SLC23A1: variants seen among roughly 807,000 people sequenced by gnomAD.
SLC23A1 encodes Na(+)/L-ascorbic acid transporter 1.
SLC23A1 carries 31 observed loss-of-function variants against 62.5 expected under a neutral mutation model. The ratio of observed to expected loss-of-function variants is 0.50; its 90% confidence interval spans 0.37 to 0.67. SLC23A1 has a LOEUF of 0.67. Among genes scored for constraint, SLC23A1 ranks in the 30% least tolerant of loss-of-function variants. The pLI is 0.00. For missense variants in SLC23A1, 640 were observed against 782.7 expected (o/e 0.82, Z 2.18); for synonymous variants, 271 against 313.2 (o/e 0.87, Z 1.42).
intron 13 of SLC23A1, 57 bp from the exon 14 acceptor site, chr5:139,372,310 T>G (rs1757714446): frequency 6.5e-7 from 1 of 1,544,940 alleles, no homozygotes; most frequent in African/African-American, 1.4e-5. Context: ...CCACCCCCAC[T>G]TCCCATAACC....
rs145776418 is a variant in SLC23A1 at position 139,379,833 on chromosome 5, A to T, written c.770T>A (p.Ile257Asn). ...CCACACGGTCATGATGGCCAGCATG[A>T]TCTGAAGGAGGGGGGTGAGGGGGCA... Reference protein sequence around the residue: ...LRIQIFKMFPIMLAIMTVWLL... With the variant: ...LRIQIFKMFPNMLAIMTVWLL... Residue 257 changes from isoleucine to asparagine, a missense_variant and splice_region_variant, in exon 8 of 15, where the codon ATC becomes AAC. Coordinates refer to ENST00000348729, the MANE Select transcript of SLC23A1 (RefSeq NM_005847.5). This position sits in a 1 kb window ranked among gnomAD's most constrained non-coding sequence, Gnocchi z 4.7. 1.2e-6 allele frequency: 2 copies of T among 1,613,902 alleles called. No homozygotes were observed. Among genetic ancestry groups the T allele is most frequent in the East Asian group, 2.2e-5 (1 of 44,884 alleles).
Position 139,379,937 on chromosome 5 carries a change from C to A in SLC23A1, c.768+19G>T. 1 of 1,614,100 alleles carries A rather than the reference C, an allele frequency of 6.2e-7. No individual in the cohort carries two copies. Among genetic ancestry groups the A allele is most frequent in the Non-Finnish European group, 8.5e-7 (1 of 1,179,988 alleles). ...GCCCTGGCCATAGTCCCAGCCCCAG[C>A]CGCCTGCCAGGTCCTCACAGGAAAC... On this transcript the variant is annotated intron_variant, in intron 7 of 14. Transcript: ENST00000348729. The surrounding 1 kb of genome is among the most constrained non-coding windows in gnomAD (Gnocchi z 4.7).
upstream of SLC23A1, chr5:139,384,534 C>T (rs1323800560): frequency 5.4e-6 from 7 of 1,289,414 alleles, no homozygotes; most frequent in Middle Eastern, 2.1e-4. Context: ...TCCCAATTTC[C>T]AAAGTTGCTG....
chr5:139,368,924 A>T (rs927786468), intron 14 of SLC23A1: 1 of 654,730 alleles, frequency 1.5e-6, no homozygotes. Context: ...AGTTTTTGTT[A>T]GTCTTGCATG....
chr5:139,368,020 GA>G (rs1453468422), intron 14 of SLC23A1, among the ~76,000 whole-genome samples: 2 of 152,176 alleles, frequency 1.3e-5, no homozygotes, highest in African/African-American at 4.8e-5. Context: ...CTAACATGGT[GA>G]AACCCCTTCT....
At position 139,380,069 on chromosome 5, in the gene SLC23A1, G is replaced by C. The variant is rs1293966977; in HGVS notation, c.655C>G (p.Leu219Val). ...TACTGGGAGAAGAGGATGATCAGGA[G>C]AATGGAGCTGGGGGCAGAGGCACAA... Reference protein sequence around the residue: ...SHWGISACSILLIILFSQYLR... With the variant: ...SHWGISACSIVLIILFSQYLR... The change falls in exon 7 of 15, where the codon CTC becomes GTC. Residue 219 changes from leucine to valine, a missense_variant. Physicochemically the swap from Leu to Val is conservative, Grantham distance 32 (BLOSUM62 1). Coordinates refer to ENST00000348729, the MANE Select transcript of SLC23A1 (RefSeq NM_005847.5). 2 of 1,610,552 alleles carry C rather than the reference G, an allele frequency of 1.2e-6. No individual in the cohort carries two copies. Among genetic ancestry groups the C allele is most frequent in the South Asian group, 1.1e-5 (1 of 90,634 alleles).
chr5:139,372,807 A>AC (rs1292811787), intron 13 of SLC23A1, among the ~76,000 whole-genome samples: 1 of 151,396 alleles, frequency 6.6e-6, no homozygotes, highest in Non-Finnish European at 1.5e-5. Flanking sequence ...CTGGTCTTGA[A>AC]CTCCTGACCT....
upstream of SLC23A1, among the ~76,000 whole-genome samples, chr5:139,383,752 G>C (rs902985149): frequency 2.6e-4 from 40 of 152,358 alleles, 1 homozygote; most frequent in African/African-American, 9.6e-4. Flanking sequence ...AGTAACCCCT[G>C]TGCTGGGCGG....
At chr5:139,383,184 G>GC (rs770018595) in intron 1 of SLC23A1, 34 bp downstream of exon 1, 4 of 239,282 alleles carry the variant, frequency 1.7e-5, no homozygotes, top group Non-Finnish European at 2.1e-5. Flanking sequence ...CACCCCCCCT[G>GC]CCCCCCCTAG....
intron 13 of SLC23A1, among the ~76,000 whole-genome samples, chr5:139,373,068 T>G (rs1757764417): frequency 6.6e-6 from 1 of 152,192 alleles, no homozygotes; most frequent in South Asian, 2.1e-4. Flanking sequence ...TATGATTCCA[T>G]ATGTGAAAAA....
At position 139,379,813 on chromosome 5, in the gene SLC23A1, C is replaced by T. The variant is rs33972313; in HGVS notation, c.790G>A (p.Val264Met). Residue 264 changes from valine (V) to methionine (M), a missense_variant, in exon 8 of 15, where the codon GTG (valine) becomes ATG (methionine). Val to Met is a conservative substitution (Grantham distance 21, BLOSUM62 1). Coordinates refer to ENST00000348729, the MANE Select transcript of SLC23A1 (RefSeq NM_005847.5). This position sits in a 1 kb window ranked among gnomAD's most constrained non-coding sequence, Gnocchi z 4.7. ...MFPIMLAIMT[V>M]WLLCYVLTLT... Reference sequence around the variant, plus strand: ...GTCAGGACATAGCAGAGCAGCCACACGGTCATGATGGCCAGCATGATCTGA... The same window carrying T: ...GTCAGGACATAGCAGAGCAGCCACATGGTCATGATGGCCAGCATGATCTGA... The T allele has an allele frequency of 0.032, 50,849 of 1,613,960 alleles. 952 individuals are homozygous for T. The highest frequency in any genetic ancestry group is 0.071 in the African/African-American group (5,306 of 74,940).
In SLC23A1 at chr5:139,382,646, G is replaced by A. The variant is rs990762753; in HGVS notation, c.37-41C>T. The A allele has an allele frequency of 4.0e-6, 5 of 1,250,728 alleles. No homozygotes were observed. The Admixed American group carries it at 5.4e-5, about 13-fold the overall frequency. The allele number at this position is 1,250,728 out of a possible 1,614,324, so 77.5% of individuals were successfully genotyped here. A position where few individuals can be genotyped will look rare whatever the true frequency, so the allele number is the denominator to read the frequency against. On this transcript the variant is annotated intron_variant, in intron 1 of 14. Coordinates refer to ENST00000348729, the MANE Select transcript of SLC23A1 (RefSeq NM_005847.5). Reference sequence around the variant, plus strand: ...ATAAGTAGCTTAGGGTGAAGTGATGGGGACAGGCAAAATCCATTCTGCCCC... The same window carrying A: ...ATAAGTAGCTTAGGGTGAAGTGATGAGGACAGGCAAAATCCATTCTGCCCC...
chr5:139,368,312 C>T (rs2152058928), intron 14 of SLC23A1, among the ~76,000 whole-genome samples: 1 of 151,914 alleles, frequency 6.6e-6, no homozygotes, highest in South Asian at 2.1e-4. Context: ...TGCACTGCAG[C>T]CTGGGTGACA....
intron 14 of SLC23A1, among the ~76,000 whole-genome samples, chr5:139,369,915 T>G (rs530206182): frequency 1.2e-4 from 18 of 152,188 alleles, no homozygotes; most frequent in African/African-American, 2.4e-5. Context: ...CATCCTTGCT[T>G]CTTAATCACC....
At chr5:139,384,780 C>T (rs1758445246), upstream of SLC23A1, 1 of 983,176 alleles carries the variant, frequency 1.0e-6, no homozygotes, top group Non-Finnish European at 1.2e-6. Flanking sequence ...TCTCTAATCA[C>T]CCCACAGAAA....
chr5:139,371,727 A>G (rs1026570203), intron 14 of SLC23A1, among the ~76,000 whole-genome samples: 3 of 152,220 alleles, frequency 2.0e-5, no homozygotes, highest in African/African-American at 7.2e-5. Flanking sequence ...GGTGTCTGGA[A>G]GGCTAGAGGA....
chr5:139,380,516 T>A (rs748661754), intron 5 of SLC23A1, 49 bp downstream of exon 5: 1 of 1,597,518 alleles, frequency 6.3e-7, no homozygotes, highest in African/African-American at 1.3e-5. Context: ...CACTCCCATA[T>A]AGCCCCTCCT....
chr5:139,372,405 G>T, intron 13 of SLC23A1, 152 bp from the exon 14 acceptor site: 1 of 697,086 alleles, frequency 1.4e-6, no homozygotes, highest in Non-Finnish European at 2.4e-6. Flanking sequence ...TGGTTTCTGA[G>T]CTCCTAACTT....
In SLC23A1 at chr5:139,379,162, G is replaced by A; in HGVS notation, c.1073+45C>T. ...CCCCGTTCCTGTGTGTGCTTCCTGGGTGGCGCCTGAGGAGATCAGATACTG... is the reference window on the plus strand; with the variant it reads ...CCCCGTTCCTGTGTGTGCTTCCTGGATGGCGCCTGAGGAGATCAGATACTG... On this transcript the variant is annotated intron_variant, in intron 9 of 14. Transcript: ENST00000348729. The surrounding 1 kb of genome is among the most constrained non-coding windows in gnomAD (Gnocchi z 4.7). 1.1e-5 allele frequency: 18 copies of A among 1,601,016 alleles called. No homozygotes were observed. Among genetic ancestry groups the A allele is most frequent in the Non-Finnish European group, 1.5e-5 (18 of 1,169,526 alleles).
Sources: gnomAD v4.1 joint callset for allele counts (sites outside exome capture counted in the v4.1 genomes callset) on GRCh38, gnomAD v4.1.1 for gene constraint, Gnocchi (gnomAD v3.1) non-coding constraint, MANE v1.5 for transcripts, NCBI Gene and HGNC (gene_info 2026-07-23, HGNC 2026-07-21) for gene names.